The following TNIP3 variants were observed in gnomAD, a reference collection of about 807,000 sequenced individuals.
TNIP3 encodes TNFAIP3 interacting protein 3.
A neutral mutation model predicts 54.1 loss-of-function variants in TNIP3; 34 were observed. That is an observed-to-expected ratio of 0.63 (90% CI 0.48 to 0.84). The LOEUF (loss-of-function observed/expected upper bound fraction) is 0.84. TNIP3 is among the 40% of genes least tolerant of loss of function. The probability of loss-of-function intolerance (pLI) is 0.00; values close to 1 mark genes in which losing one functional copy is unlikely to be tolerated. For synonymous variants in TNIP3, 134 were observed against 136.8 expected (o/e 0.98, Z 0.14); for missense variants, 366 against 387.6 (o/e 0.94, Z 0.47).
rs1250567816 is a variant in TNIP3, at chr4:121,131,671, A to G, written c.*960T>C. ...GGGGGCACTGAGTCTTGCTCACTCT[A>G]TTTCCCAGGCTGGAGTGCAGTGGCG... On this transcript the variant is annotated 3_prime_UTR_variant, in exon 11 of 11. Coordinates refer to ENST00000057513, the MANE Select transcript of TNIP3 (RefSeq NM_024873.6). 8.4e-6 allele frequency: 1 copy of G among 119,664 alleles called. No homozygotes were observed. The highest frequency in any genetic ancestry group is 3.4e-5 in the African/African-American group (1 of 29,426). The allele number at this position is 119,664 out of a possible 1,614,324, so 7.4% of individuals were successfully genotyped here.
In TNIP3 at chr4:121,171,520, A is replaced by G. The variant is rs1723938441; in HGVS notation, c.190-7374T>C. 2.0e-5 allele frequency among the ~76,000 whole-genome samples: 3 copies of G among 152,346 alleles called. No homozygotes were observed. In the South Asian group the frequency reaches 6.2e-4, roughly 32 times the overall value. ...AAATGTTAGGGGAAAAGTCTGAATC[A>G]AGGCATAAAAACTTATACCAAGAAT... On this transcript the variant is annotated intron_variant, in intron 3 of 12. Transcript: ENST00000507879.
chr4:121,181,410 G>GTT (rs1724691067), intron 3 of TNIP3, among the ~76,000 whole-genome samples: 1 of 152,308 alleles, frequency 6.6e-6, no homozygotes, highest in African/African-American at 2.4e-5. Context: ...GAAGAAAACA[G>GTT]AAGAAAGAGG....
In TNIP3 at chr4:121,134,548, G is replaced by A. The variant is rs79705295; in HGVS notation, c.947-1886C>T. On this transcript the variant is annotated intron_variant, in intron 10 of 10. Coordinates refer to ENST00000057513, the MANE Select transcript of TNIP3 (RefSeq NM_024873.6). ...AAACATCATTATTTAATGCTATACA[G>A]AGAGAAAGCCAAGTCTCAAATGACT... is the stretch of plus-strand genomic sequence containing the variant. Among the ~76,000 whole-genome samples the A allele has an allele frequency of 7.6e-3, 1,164 of 152,256 alleles. 6 individuals are homozygous for A. The highest frequency in any genetic ancestry group is 0.011 in the East Asian group (59 of 5,182).
upstream of TNIP3, chr4:121,164,334 A>G: frequency 7.5e-7 from 1 of 1,327,806 alleles, no homozygotes; most frequent in Non-Finnish European, 9.6e-7. Context: ...AGTTATAAGC[A>G]CTGCAACTGG....
chr4:121,157,381 G>T (rs1388000964), intron 3 of TNIP3, 138 bp from the exon 4 acceptor site: 19 of 1,059,112 alleles, frequency 1.8e-5, no homozygotes, highest in Non-Finnish European at 2.5e-5. Context: ...AGCTCCCACC[G>T]TCCCGAACAC....
At chr4:121,216,495 T>A (rs1186774451) in exon 2 of TNIP3, 1 of 1,535,520 alleles carries the variant, frequency 6.5e-7, no homozygotes, top group South Asian at 1.2e-5. Context: ...GCCATCCACA[T>A]GGAATCTAAA....
intron 2 of TNIP3, among the ~76,000 whole-genome samples, chr4:121,186,590 C>A (rs1725035506): frequency 6.6e-6 from 1 of 152,116 alleles, no homozygotes; most frequent in South Asian, 2.1e-4. Flanking sequence ...TGGAGGAAAA[C>A]AATGTAATGC....
chr4:121,158,602 G>A, intron 3 of TNIP3, 85 bp downstream of exon 3: 2 of 1,101,468 alleles, frequency 1.8e-6, no homozygotes, highest in Non-Finnish European at 2.7e-6. Flanking sequence ...GCTCTTTGTA[G>A]CTGAAATGAA....
At chr4:121,144,659 C>G (rs1338604789) in intron 7 of TNIP3, among the ~76,000 whole-genome samples, 1 of 152,230 alleles carries the variant, frequency 6.6e-6, no homozygotes, top group Non-Finnish European at 1.5e-5. Flanking sequence ...GCCTTGGCCT[C>G]CCAAAGTGCT....
At chr4:121,212,002 T>C (rs1726500696) in intron 2 of TNIP3, among the ~76,000 whole-genome samples, 1 of 152,222 alleles carries the variant, frequency 6.6e-6, no homozygotes, top group Non-Finnish European at 1.5e-5. Flanking sequence ...TACCAGTACT[T>C]CCCAGAAAAA....
At chr4:121,138,792 G>C in intron 9 of TNIP3, 108 bp from the exon 10 acceptor site, 1 of 1,015,630 alleles carries the variant, frequency 9.8e-7, no homozygotes, top group Non-Finnish European at 1.5e-6. Flanking sequence ...CAACACAAAA[G>C]TAATTTCTAT....
At position 121,227,429 on chromosome 4, in the gene TNIP3, T is replaced by C. The variant is rs1256264822; in HGVS notation, c.-42A>G. The C allele has an allele frequency of 2.0e-6, 3 of 1,526,714 alleles. No homozygotes were observed. In the African/African-American group the frequency reaches 4.1e-5, roughly 21 times the overall value. 94.6% of individuals were successfully genotyped at this position (1,526,714 alleles called of 1,614,324 possible). ...CCTTCTCAGATCTAGGTAAGCGTAT[T>C]ACAAGGTCTAATACGGAGACCTGTC... On this transcript the variant is annotated 5_prime_UTR_variant, in exon 1 of 13. Coordinates refer to the TNIP3 transcript ENST00000509841.
chr4:121,182,728 T>C, exon 3 of TNIP3: 1 of 1,534,136 alleles, frequency 6.5e-7, no homozygotes, highest in Non-Finnish European at 8.7e-7. Context: ...GGTGAACCGT[T>C]TTGGATGAGG....
At chr4:121,147,300 T>A in intron 6 of TNIP3, 126 bp from the exon 7 acceptor site, 2 of 1,199,274 alleles carry the variant, frequency 1.7e-6, no homozygotes, top group Non-Finnish European at 2.2e-6. Flanking sequence ...GTGTTCAGTG[T>A]CACTGTTTTG....
At chr4:121,153,378 T>C (rs1729880260) in intron 5 of TNIP3, among the ~76,000 whole-genome samples, 1 of 152,170 alleles carries the variant, frequency 6.6e-6, no homozygotes. Flanking sequence ...GGAAATTAAC[T>C]AGACAATGTA....
chr4:121,203,366 G>C (rs1041988736), intron 2 of TNIP3, among the ~76,000 whole-genome samples: 6 of 152,144 alleles, frequency 3.9e-5, no homozygotes, highest in Non-Finnish European at 8.8e-5. Context: ...AGTAACTCAA[G>C]AATGGAAAAA....
Position 121,138,632 on chromosome 4 carries a change from T to G in TNIP3, c.938A>C (p.Lys313Thr). The part of the protein sequence containing the change: ...LDQLPPDVQH[K>T]ANGLSSVKKV... ...TACAGCTGTGGTCTCACCATTTGCC[T>G]TGTGTTGTACATCTGGCGGAAGCTG... Residue 313 changes from lysine (K) to threonine (T), a missense_variant, in exon 10 of 11, where the codon AAG becomes ACG. Transcript: ENST00000057513. The G allele has an allele frequency of 6.2e-7, 1 of 1,613,946 alleles. No homozygotes were observed. Among genetic ancestry groups the G allele is most frequent in the South Asian group, 1.1e-5 (1 of 91,076 alleles).
rs113863547 is a variant in TNIP3, at chr4:121,151,854, C to T, written c.493-1635G>A. On this transcript the variant is annotated intron_variant, in intron 5 of 10. Transcript: ENST00000057513. ...CTTTCCCAACTTCCTTGAACAAACA[C>T]CTATAACCTATTCTAGAATATTTAC... Among the ~76,000 whole-genome samples, 776 of 152,252 alleles carry T rather than the reference C, an allele frequency of 5.1e-3. 5 individuals carry two copies. Among genetic ancestry groups the T allele is most frequent in the African/African-American group, 0.018 (740 of 41,538 alleles).
At chr4:121,224,919 T>C (rs1727194148) in intron 1 of TNIP3, among the ~76,000 whole-genome samples, 1 of 152,200 alleles carries the variant, frequency 6.6e-6, no homozygotes, top group South Asian at 2.1e-4. Flanking sequence ...AACAGCATAC[T>C]GAATATAGTG....
Sources: gnomAD v4.1 joint callset for allele counts (sites outside exome capture counted in the v4.1 genomes callset) on GRCh38, gnomAD v4.1.1 for gene constraint, MANE v1.5 for transcripts, NCBI Gene and HGNC (gene_info 2026-07-23, HGNC 2026-07-21) for gene names.